The following FAM53A variants were observed in gnomAD, a reference collection of about 807,000 sequenced individuals.
The protein encoded by FAM53A is family with sequence similarity 53 member A, also known as protein FAM53A.
Under a neutral mutation model 26.6 loss-of-function variants are expected in FAM53A, and 28 were observed. That is an observed-to-expected ratio of 1.05 (90% CI 0.78 to 1.45). The LOEUF is 1.45. FAM53A is among the 40% of genes most tolerant of loss of function. FAM53A has a pLI of 0.00. For synonymous variants in FAM53A, 290 were observed against 253.1 expected (o/e 1.15, Z -1.38); for missense variants, 650 against 575.8 (o/e 1.13, Z -1.32).
the FAM53A span, among the ~76,000 whole-genome samples, chr4:1,585,433 C>T: frequency 3.0e-3 from 452 of 152,160 alleles, no homozygotes; most frequent in African/African-American, 0.011. Flanking sequence ...ATTACAGGCG[C>T]ATGCCACCAC....
At chr4:1,649,614 G>A (rs1468267862) in intron 4 of FAM53A, among the ~76,000 whole-genome samples, 2 of 152,228 alleles carry the variant, frequency 1.3e-5, no homozygotes, top group Admixed American at 6.5e-5. Flanking sequence ...CTGCCACATC[G>A]TGAACACACT....
chr4:1,612,239 T>TAA, the FAM53A span, among the ~76,000 whole-genome samples: 1 of 152,198 alleles, frequency 6.6e-6, no homozygotes, highest in South Asian at 2.1e-4. Flanking sequence ...AAACAAGATA[T>TAA]AAGTCTTTTA....
chr4:1,682,269 T>C (rs1250474823), intron 1 of FAM53A, among the ~76,000 whole-genome samples: 1 of 149,920 alleles, frequency 6.7e-6, no homozygotes, highest in East Asian at 1.9e-4. Context: ...ATTTCCTTTT[T>C]TTTTTTTTTT....
intron 1 of FAM53A, among the ~76,000 whole-genome samples, chr4:1,624,416 A>AC (rs1282788666): frequency 6.6e-6 from 1 of 151,998 alleles, no homozygotes; most frequent in Non-Finnish European, 1.5e-5. Context: ...AAGCGCCGTG[A>AC]CCCCCCGAAC....
chr4:1,657,156 C>T (rs1023578128), intron 3 of FAM53A, among the ~76,000 whole-genome samples: 1 of 152,222 alleles, frequency 6.6e-6, no homozygotes, highest in Admixed American at 6.5e-5. Context: ...TGGGCCCCAC[C>T]AGCTGAGGAG....
intron 4 of FAM53A, among the ~76,000 whole-genome samples, chr4:1,642,279 G>A (rs1422982919): frequency 6.6e-6 from 1 of 152,132 alleles, no homozygotes; most frequent in Non-Finnish European, 1.5e-5. Flanking sequence ...GCACACACAG[G>A]GGTCTCCCCT....
At chr4:1,650,835 C>T (rs2108868893) in intron 4 of FAM53A, among the ~76,000 whole-genome samples, 1 of 151,592 alleles carries the variant, frequency 6.6e-6, no homozygotes, top group African/African-American at 2.4e-5. Context: ...AAGTTTGAAG[C>T]TGCTGGATTC....
chr4:1,644,659 A>C, intron 4 of FAM53A: 6 of 295,180 alleles, frequency 2.0e-5, no homozygotes, highest in Admixed American at 4.6e-5. Context: ...TTAAACACAA[A>C]ACAGTTGTCC....
the FAM53A span, among the ~76,000 whole-genome samples, chr4:1,575,309 C>T: frequency 6.6e-6 from 1 of 152,234 alleles, no homozygotes; most frequent in African/African-American, 2.4e-5. Context: ...CTCTCTGGCC[C>T]CCAACCTTAC....
At chr4:1,629,872 C>T (rs1341029650) in intron 1 of FAM53A, among the ~76,000 whole-genome samples, 2 of 152,172 alleles carry the variant, frequency 1.3e-5, no homozygotes. Context: ...GGCCCAGCTC[C>T]ACCACACACG....
chr4:1,649,795 G>A (rs188569293), intron 4 of FAM53A, among the ~76,000 whole-genome samples: 7 of 152,364 alleles, frequency 4.6e-5, no homozygotes, highest in Admixed American at 1.3e-4. Flanking sequence ...ATCGGCCTCC[G>A]GGACCCCTGA....
chr4:1,598,675 T>C, the FAM53A span, among the ~76,000 whole-genome samples: 1 of 152,248 alleles, frequency 6.6e-6, no homozygotes, highest in Non-Finnish European at 1.5e-5. Flanking sequence ...CACTGATATA[T>C]GTTACGAGAA....
intron 1 of FAM53A, among the ~76,000 whole-genome samples, chr4:1,628,935 C>T (rs79543784): frequency 0.015 from 2,309 of 151,956 alleles, 59 homozygotes; most frequent in African/African-American, 0.048. Context: ...GGCCTTGGAA[C>T]ACCTGAGTTT....
intron 4 of FAM53A, among the ~76,000 whole-genome samples, chr4:1,642,600 T>C (rs1010320061): frequency 6.6e-6 from 1 of 152,124 alleles, no homozygotes. Context: ...ACCCAGCAGG[T>C]GTGTCCAGCT....
In FAM53A at chr4:1,630,430, G is replaced by A. The variant is rs1350419122; in HGVS notation, c.432-12319C>T. Among the ~76,000 whole-genome samples the A allele has an allele frequency of 4.6e-5, 7 of 152,220 alleles. No homozygotes were observed. The South Asian group carries it at 6.2e-4, about 14-fold the overall frequency. The stretch of plus-strand genomic sequence containing the variant: ...CCATCAAACTCTACGGAAACAGGCC[G>A]CGTCTGTATGTGGCCAGTGGGCCGC... On this transcript the variant is annotated intron_variant, in intron 1 of 1. Transcript: ENST00000489029. This position sits in a 1 kb window ranked among gnomAD's most constrained non-coding sequence, Gnocchi z 4.3.
chr4:1,681,933 G>C (rs1176830228), intron 1 of FAM53A, among the ~76,000 whole-genome samples: 1 of 152,196 alleles, frequency 6.6e-6, no homozygotes, highest in South Asian at 2.1e-4. Context: ...AAGAACACAA[G>C]GTGAGCTCTG....
At chr4:1,594,853 A>G in the FAM53A span, among the ~76,000 whole-genome samples, 5 of 152,090 alleles carry the variant, frequency 3.3e-5, no homozygotes, top group African/African-American at 7.2e-5. Flanking sequence ...TTAAAAAAAA[A>G]TGTGTAAGGT....
rs538197535 is a variant in FAM53A, at chr4:1,627,196, G to A, written c.432-9085C>T. Among the ~76,000 whole-genome samples, 20 of 152,284 alleles carry A rather than the reference G, an allele frequency of 1.3e-4. 1 individual carries two copies. The highest frequency in any genetic ancestry group is 4.6e-4 in the African/African-American group (19 of 41,570). On this transcript the variant is annotated intron_variant, in intron 1 of 1. Coordinates refer to the FAM53A transcript ENST00000489029. ...GCCAACCAGGTCCCCACCGGCCCCAGCACTGGGCACTCAGGGCCCAGCCCA... is the reference window on the plus strand; with the variant it reads ...GCCAACCAGGTCCCCACCGGCCCCAACACTGGGCACTCAGGGCCCAGCCCA...
chr4:1,620,261 A>G (rs1313697445), intron 1 of FAM53A, among the ~76,000 whole-genome samples: 1 of 152,108 alleles, frequency 6.6e-6, no homozygotes, highest in Non-Finnish European at 1.5e-5. Context: ...ATAAAATGTC[A>G]TCTTATTTCC....
Sources: gnomAD v4.1 joint callset for allele counts (sites outside exome capture counted in the v4.1 genomes callset) on GRCh38, gnomAD v4.1.1 for gene constraint, Gnocchi (gnomAD v3.1) non-coding constraint, MANE v1.5 for transcripts, NCBI Gene and HGNC (gene_info 2026-07-23, HGNC 2026-07-21) for gene names.